Variants in RAD50 observed in about 807,000 individuals in gnomAD.
RAD50 encodes DNA repair protein RAD50.
Under a neutral mutation model 168.8 loss-of-function variants are expected in RAD50, and 132 were observed. The ratio of observed to expected loss-of-function variants is 0.78; its 90% confidence interval spans 0.68 to 0.90. The LOEUF (loss-of-function observed/expected upper bound fraction) is 0.90. Ranked by LOEUF, RAD50 falls within the 40% of genes least tolerant of loss-of-function variation. The pLI is 0.00. For missense variants in RAD50, 1,347 were observed against 1,534.4 expected (o/e 0.88, Z 2.04); for synonymous variants, 525 against 497.4 (o/e 1.06, Z -0.74).
intron 13 of RAD50, among the ~76,000 whole-genome samples, chr5:132,602,369 A>G (rs1157810985): frequency 1.3e-5 from 2 of 152,036 alleles, no homozygotes; most frequent in South Asian, 4.2e-4. Context: ...TCTGAAGTAA[A>G]TTTTTTTTAA....
At chr5:132,628,381 T>C (rs1158217106) in intron 21 of RAD50, among the ~76,000 whole-genome samples, 3 of 152,158 alleles carry the variant, frequency 2.0e-5, no homozygotes, top group African/African-American at 7.2e-5. Context: ...GAAAACCAAG[T>C]GAAGCAAATA....
intron 2 of RAD50, 72 bp from the exon 3 acceptor site, chr5:132,575,705 A>T: frequency 6.9e-7 from 1 of 1,448,874 alleles, no homozygotes; most frequent in South Asian, 1.2e-5. Flanking sequence ...AAGATTGCTT[A>T]TGCCTTTTTC....
intron 16 of RAD50, among the ~76,000 whole-genome samples, chr5:132,607,989 G>A (rs938201682): frequency 7.9e-5 from 12 of 152,140 alleles, no homozygotes; most frequent in African/African-American, 2.9e-4. Flanking sequence ...AAATAATGGG[G>A]ACTTCTATTT....
intron 3 of RAD50, 111 bp downstream of exon 3, chr5:132,576,039 A>G (rs1007773410): frequency 2.3e-5 from 26 of 1,146,484 alleles, no homozygotes; most frequent in African/African-American, 1.1e-4. Context: ...ATTTTTTTCA[A>G]TAGACTTTAG....
intron 19 of RAD50, 27 bp downstream of exon 19, chr5:132,609,423 CT>C (rs766379875): frequency 6.2e-7 from 1 of 1,612,090 alleles, no homozygotes; most frequent in Admixed American, 1.7e-5. Flanking sequence ...TATGATATCA[CT>C]TACACCTATG....
chr5:132,634,373 G>T (rs1751533915), intron 21 of RAD50, among the ~76,000 whole-genome samples: 1 of 150,458 alleles, frequency 6.6e-6, no homozygotes, highest in African/African-American at 2.5e-5. Flanking sequence ...TCCTATTGGT[G>T]TTTGCCTCTA....
intron 21 of RAD50, among the ~76,000 whole-genome samples, chr5:132,626,856 A>G (rs1459280570): frequency 6.6e-6 from 1 of 152,094 alleles, no homozygotes; most frequent in South Asian, 2.1e-4. Context: ...TGCTGCTACC[A>G]TAGTGGCCCC....
At chr5:132,585,591 C>CTT (rs1207946233) in intron 5 of RAD50, among the ~76,000 whole-genome samples, 35 of 113,568 alleles carry the variant, frequency 3.1e-4, no homozygotes, top group Non-Finnish European at 4.6e-4. Context: ...TGTGAGAGTT[C>CTT]TTTTTTTTTT....
intron 4 of RAD50, 171 bp from the exon 5 acceptor site, chr5:132,579,691 T>C (rs1750469528): frequency 1.2e-6 from 1 of 824,218 alleles, no homozygotes. Flanking sequence ...ATTTACCTGA[T>C]TGACAGTATA....
At chr5:132,561,783 C>G (rs1324512049) in intron 2 of RAD50, among the ~76,000 whole-genome samples, 1 of 152,226 alleles carries the variant, frequency 6.6e-6, no homozygotes, top group East Asian at 1.9e-4. Context: ...CTGTTACTAC[C>G]TCAGTACCCC....
chr5:132,619,867 TAAAG>T (rs1241143277), intron 21 of RAD50, among the ~76,000 whole-genome samples: 1 of 124,688 alleles, frequency 8.0e-6, no homozygotes, highest in African/African-American at 2.9e-5. Flanking sequence ...TATATATATA[TAAAG>T]ATATATATAT....
intron 3 of RAD50, among the ~76,000 whole-genome samples, chr5:132,577,841 TGCTC>T (rs1750426069): frequency 6.9e-6 from 1 of 145,604 alleles, no homozygotes; most frequent in African/African-American, 2.6e-5. Flanking sequence ...GATGGAGTCT[TGCTC>T]TGTCTGTCAC....
At position 132,557,121 on chromosome 5, in the gene RAD50, G is replaced by T. The variant is rs1267149469; in HGVS notation, c.-204G>T. The T allele has an allele frequency of 8.0e-6, 6 of 749,664 alleles. No individual in the cohort carries two copies. The highest frequency in any genetic ancestry group is 1.3e-5 in the Non-Finnish European group (6 of 461,434). 46.4% of individuals were successfully genotyped at this position (749,664 alleles called of 1,614,324 possible). A position where few individuals can be genotyped will look rare whatever the true frequency, so the allele number is the denominator to read the frequency against. On this transcript the variant is annotated 5_prime_UTR_variant, in exon 1 of 25. Coordinates refer to ENST00000378823, the MANE Select transcript of RAD50 (RefSeq NM_005732.4). ...CCCACCGGCGGGGAAAGCAGCTGGT[G>T]TGGGAGGAAAGGCTCCATCCCCCGC...
Position 132,603,406 on chromosome 5 carries a change from G to A in RAD50, c.2314G>A (p.Glu772Lys), listed in dbSNP as rs587782899. 2.9e-5 allele frequency: 47 copies of A among 1,613,812 alleles called. No homozygotes were observed. The highest frequency in any genetic ancestry group is 3.8e-5 in the Non-Finnish European group (45 of 1,179,884). ...CCTAAAGAACGACATAGAAGAACAA[G>A]AAACACTCTTGGGTACAATAATGCC... ...QRLKNDIEEQETLLGTIMPEE... is the reference protein window; with the variant it reads ...QRLKNDIEEQKTLLGTIMPEE... The change falls in exon 14 of 25, where the codon GAA (glutamate) becomes AAA (lysine). Residue 772 changes from glutamate (E) to lysine (K), a missense_variant. Transcript: ENST00000378823.
chr5:132,568,429 A>C (rs1274780450), intron 2 of RAD50, among the ~76,000 whole-genome samples: 1 of 152,086 alleles, frequency 6.6e-6, no homozygotes. Flanking sequence ...CTTAAAGGAA[A>C]AGATGGACAT....
chr5:132,587,652 G>A lies in RAD50; in HGVS notation c.847G>A (p.Glu283Lys). The change falls in exon 6 of 25, where the codon GAG (glutamate) becomes AAG (lysine). Residue 283 changes from glutamate to lysine, a missense_variant. Physicochemically the swap from Glu to Lys is moderately conservative, Grantham distance 56 (BLOSUM62 1). This residue lies in a region of RAD50 where 703 missense variants were observed against 767.7 expected (regional missense o/e 0.92). Coordinates refer to ENST00000378823, the MANE Select transcript of RAD50 (RefSeq NM_005732.4). ...KALDSRKKQM[E>K]KDNSELEEKM... ...CTTGGATAGCCGAAAGAAGCAAATG[G>A]AGAAAGATAATAGTGAACTGGAAGA... 6.2e-7 allele frequency: 1 copy of A among 1,613,842 alleles called. No individual in the cohort carries two copies. The highest frequency in any genetic ancestry group is 8.5e-7 in the Non-Finnish European group (1 of 1,179,890).
chr5:132,604,501 A>T (rs1750946405), intron 15 of RAD50, among the ~76,000 whole-genome samples: 1 of 152,126 alleles, frequency 6.6e-6, no homozygotes. Context: ...TCCTGACCTC[A>T]GGTGATCCAC....
At chr5:132,599,353 G>A (rs1750846695) in intron 13 of RAD50, among the ~76,000 whole-genome samples, 1 of 152,170 alleles carries the variant, frequency 6.6e-6, no homozygotes, top group South Asian at 2.1e-4. Flanking sequence ...TTGAAGACCC[G>A]AAGAGCAGGG....
intron 21 of RAD50, among the ~76,000 whole-genome samples, chr5:132,630,426 C>G (rs1751443596): frequency 1.3e-5 from 2 of 152,156 alleles, no homozygotes; most frequent in East Asian, 3.8e-4. Flanking sequence ...TGAGGCTCTT[C>G]AGAGCCTGGG....
Sources: allele counts gnomAD v4.1 joint callset (sites outside exome capture counted in the v4.1 genomes callset), GRCh38; gene constraint gnomAD v4.1.1; regional missense constraint gnomAD v4.1.1; transcripts MANE v1.5; gene names NCBI Gene and HGNC (gene_info 2026-07-23, HGNC 2026-07-21).